The following FBXO15 variants were observed in gnomAD, a reference collection of about 807,000 sequenced individuals.
The protein encoded by FBXO15 is F-box only protein 15.
FBXO15 carries 30 observed loss-of-function variants against 49.5 expected under a neutral mutation model. That is an observed-to-expected ratio of 0.61 (90% CI 0.45 to 0.82). The LOEUF is 0.82. Ranked by LOEUF, FBXO15 falls within the 40% of genes least tolerant of loss-of-function variation. The pLI is 0.00. For missense variants in FBXO15, 591 were observed against 631.5 expected, an observed-to-expected ratio of 0.94 and a Z score of 0.69; for synonymous variants, 250 against 232.7, an observed-to-expected ratio of 1.07 and a Z score of -0.68.
At chr18:74,110,652 T>A (rs1913981196) in intron 8 of FBXO15, among the ~76,000 whole-genome samples, 1 of 151,576 alleles carries the variant, frequency 6.6e-6, no homozygotes, top group African/African-American at 2.4e-5. Flanking sequence ...AAGACCTAAC[T>A]ATATATTGCC....
intron 3 of FBXO15, among the ~76,000 whole-genome samples, chr18:74,132,639 T>A (rs1978464251): frequency 6.6e-6 from 1 of 152,224 alleles, no homozygotes; most frequent in South Asian, 2.1e-4. Context: ...TTTCACAGTC[T>A]CCAAACACAT....
At chr18:74,132,856 C>T (rs148048694) in intron 3 of FBXO15, among the ~76,000 whole-genome samples, 311 of 152,230 alleles carry the variant, frequency 2.0e-3, no homozygotes, top group Non-Finnish European at 3.2e-3. Flanking sequence ...CCAGATGTCA[C>T]CTCATCCACA....
At position 74,075,631 on chromosome 18, in the gene FBXO15, C is replaced by T. The variant is rs1228318672; in HGVS notation, c.1264-1901G>A. On this transcript the variant is annotated intron_variant, in intron 9 of 9. Transcript: ENST00000419743. This position sits in a 1 kb window ranked among gnomAD's most constrained non-coding sequence, Gnocchi z 4.1. ...CCACTCTGGCCTGGTATCCTTTTTC[C>T]ATCATCTGACCGAACATCTCTTGAT... 6.6e-6 allele frequency among the ~76,000 whole-genome samples: 1 copy of T among 152,184 alleles called. No individual in the cohort carries two copies. The highest frequency in any genetic ancestry group is 1.9e-4 in the East Asian group (1 of 5,184).
At chr18:74,103,027 A>G (rs1378384634) in intron 8 of FBXO15, among the ~76,000 whole-genome samples, 3 of 152,078 alleles carry the variant, frequency 2.0e-5, no homozygotes, top group Non-Finnish European at 4.4e-5. Context: ...AGACGGGTGC[A>G]CCAAAATTTC....
intron 3 of FBXO15, among the ~76,000 whole-genome samples, chr18:74,132,468 C>A (rs548889191): frequency 6.6e-6 from 1 of 152,336 alleles, no homozygotes; most frequent in East Asian, 1.9e-4. Context: ...ACTCCACATG[C>A]AGTGAGTAAC....
chr18:74,105,448 G>A (rs564782763), intron 8 of FBXO15, among the ~76,000 whole-genome samples: 22 of 151,000 alleles, frequency 1.5e-4, no homozygotes, highest in African/African-American at 5.3e-4. Context: ...TTTCCCAAAG[G>A]TTTTTTTTTG....
intron 2 of FBXO15, among the ~76,000 whole-genome samples, chr18:74,136,741 C>T (rs990544952): frequency 5.3e-5 from 8 of 152,134 alleles, no homozygotes; most frequent in Admixed American, 1.3e-4. Context: ...AATCTGAAAG[C>T]GACTAGAAAG....
chr18:74,108,541 A>G (rs1412193065), intron 8 of FBXO15, among the ~76,000 whole-genome samples: 5 of 152,004 alleles, frequency 3.3e-5, no homozygotes, highest in Non-Finnish European at 7.4e-5. Context: ...AAAACAGAAC[A>G]GAATATCCAA....
At position 74,137,265 on chromosome 18, in the gene FBXO15, G is replaced by A. The variant is rs550132332; in HGVS notation, c.228-1399C>T. ...CAATGAGAAAAAGTCTCTAATGCTA[G>A]AGACAGCAAAGTTGCAAGAAAACAT... On this transcript the variant is annotated intron_variant, in intron 2 of 9. Coordinates refer to ENST00000419743, the MANE Select transcript of FBXO15 (RefSeq NM_001142958.2). Among the ~76,000 whole-genome samples the A allele has an allele frequency of 2.6e-5, 4 of 152,320 alleles. No individual in the cohort carries two copies. In the South Asian group the frequency reaches 6.2e-4, roughly 24 times the overall value.
chr18:74,109,760 G>A (rs76512517), intron 8 of FBXO15, among the ~76,000 whole-genome samples: 13,290 of 151,728 alleles, frequency 0.088, 817 homozygotes, highest in Admixed American at 0.2. Context: ...GTTCTCACTC[G>A]TAGGTGGGAG....
chr18:74,126,473 T>G (rs1201265073), intron 5 of FBXO15, among the ~76,000 whole-genome samples: 1 of 151,974 alleles, frequency 6.6e-6, no homozygotes, highest in Non-Finnish European at 1.5e-5. Flanking sequence ...GTCAAGTGAG[T>G]AAAACAACAC....
intron 3 of FBXO15, among the ~76,000 whole-genome samples, chr18:74,134,535 A>T (rs1483451673): frequency 1.3e-5 from 2 of 151,442 alleles, no homozygotes; most frequent in Admixed American, 1.3e-4. Flanking sequence ...TGCCCAGCTA[A>T]TTTTTTGTAT....
chr18:74,077,598 A>G (rs982222055), intron 9 of FBXO15, among the ~76,000 whole-genome samples: 3 of 152,094 alleles, frequency 2.0e-5, no homozygotes, highest in Non-Finnish European at 2.9e-5. Flanking sequence ...ACCACCACAC[A>G]CAGAGCCTGG....
chr18:74,082,389 T>C (rs1599133666), intron 8 of FBXO15, among the ~76,000 whole-genome samples: 1 of 152,174 alleles, frequency 6.6e-6, no homozygotes, highest in Non-Finnish European at 1.5e-5. Flanking sequence ...GCCAACAGTG[T>C]TGGAAACCGA....
chr18:74,117,714 A>G (rs949154238), intron 8 of FBXO15, among the ~76,000 whole-genome samples: 8 of 152,198 alleles, frequency 5.3e-5, no homozygotes, highest in African/African-American at 1.9e-4. Context: ...GAAGTGAAAT[A>G]ACACGAAACA....
In FBXO15 at chr18:74,093,472, G is replaced by A. The variant is rs536606544; in HGVS notation, c.1139-11421C>T. Among the ~76,000 whole-genome samples the A allele has an allele frequency of 9.2e-5, 14 of 152,304 alleles. No individual in the cohort carries two copies. In the East Asian group the frequency reaches 2.7e-3, roughly 29 times the overall value. ...CAAGGCAGCACTGCAAGCAGGTACA[G>A]CCAAGTTGGGGCCCTGGGAGAGGCC... On this transcript the variant is annotated intron_variant, in intron 8 of 9. Coordinates refer to ENST00000419743, the MANE Select transcript of FBXO15 (RefSeq NM_001142958.2).
chr18:74,107,897 C>T (rs984863172), intron 8 of FBXO15, among the ~76,000 whole-genome samples: 6 of 152,136 alleles, frequency 3.9e-5, no homozygotes, highest in Non-Finnish European at 5.9e-5. Context: ...CAGAGCCTAA[C>T]CTACCTGAAG....
intron 8 of FBXO15, among the ~76,000 whole-genome samples, chr18:74,096,555 G>A (rs1316975980): frequency 2.7e-5 from 4 of 150,646 alleles, no homozygotes; most frequent in Non-Finnish European, 5.9e-5. Flanking sequence ...AGAGAAGACT[G>A]GAATAAATAA....
At chr18:74,100,730 C>A (rs1362009450) in intron 8 of FBXO15, among the ~76,000 whole-genome samples, 3 of 152,052 alleles carry the variant, frequency 2.0e-5, no homozygotes, top group Non-Finnish European at 2.9e-5. Flanking sequence ...GGAGATATTA[C>A]AACTGATACC....
Sources: gnomAD v4.1 joint callset for allele counts (sites outside exome capture counted in the v4.1 genomes callset) on GRCh38, gnomAD v4.1.1 for gene constraint, Gnocchi (gnomAD v3.1) non-coding constraint, MANE v1.5 for transcripts, NCBI Gene and HGNC (gene_info 2026-07-23, HGNC 2026-07-21) for gene names.